The following ADAMTS20 variants were observed in gnomAD, a reference collection of about 807,000 sequenced individuals.
The protein encoded by ADAMTS20 is A disintegrin and metalloproteinase with thrombospondin motifs 20.
In ADAMTS20, 225 loss-of-function variants were observed where a neutral mutation model predicts 260.1. That is an observed-to-expected ratio of 0.87 (90% CI 0.78 to 0.97). The LOEUF is 0.97. Ranked by LOEUF, ADAMTS20 falls within the 50% of genes least tolerant of loss-of-function variation. ADAMTS20 has a pLI of 0.00. For missense variants in ADAMTS20, 2,400 were observed against 2,337.7 expected (o/e 1.03, Z -0.55); for synonymous variants, 802 against 769.5 (o/e 1.04, Z -0.70).
At chr12:43,354,972 C>T (rs766965651) in intron 38 of ADAMTS20, among the ~76,000 whole-genome samples, 4 of 152,154 alleles carry the variant, frequency 2.6e-5, no homozygotes, top group South Asian at 4.1e-4. Context: ...ACGTGATAGA[C>T]GCCTCACGTC....
chr12:43,425,901 A>C (rs1941324427), intron 27 of ADAMTS20, among the ~76,000 whole-genome samples: 1 of 152,150 alleles, frequency 6.6e-6, no homozygotes, highest in African/African-American at 2.4e-5. Flanking sequence ...AAAAAAATAA[A>C]TCAAAGTTTC....
Position 43,356,508 on chromosome 12 carries a change from G to GGT in ADAMTS20, c.5617_5618dup (p.Ser1874ProfsTer29). ...CCTCTGATCTTCGTATGCTGACAGA[G>GGT]GTATAACTCCCCTGAGTGAGCCACT... On this transcript the variant is annotated frameshift_variant, in exon 38 of 39. Transcript: ENST00000389420. LOFTEE classifies it high-confidence loss of function. 6.2e-7 allele frequency: 1 copy of GGT among 1,609,130 alleles called. No individual in the cohort carries two copies. Among genetic ancestry groups the GGT allele is most frequent in the Non-Finnish European group, 8.5e-7 (1 of 1,177,540 alleles).
chr12:43,503,280 T>C (rs1336953329), intron 3 of ADAMTS20, among the ~76,000 whole-genome samples: 1 of 152,052 alleles, frequency 6.6e-6, no homozygotes, highest in African/African-American at 2.4e-5. Context: ...GTATTTTCAA[T>C]AGAAAAGCGG....
intron 14 of ADAMTS20, 72 bp downstream of exon 14, chr12:43,452,202 G>C (rs1333079860): frequency 7.0e-7 from 1 of 1,435,220 alleles, no homozygotes; most frequent in Non-Finnish European, 9.4e-7. Context: ...GTAATATTTG[G>C]TTATATAAAT....
At chr12:43,386,241 C>T (rs1342741269) in intron 29 of ADAMTS20, among the ~76,000 whole-genome samples, 8 of 151,880 alleles carry the variant, frequency 5.3e-5, no homozygotes, top group South Asian at 2.1e-4. Flanking sequence ...CCTTTGCTTA[C>T]GAAGCTTAGT....
At position 43,521,460 on chromosome 12, in the gene ADAMTS20, T is replaced by C. The variant is rs186149194; in HGVS notation, c.613+10576A>G. Among the ~76,000 whole-genome samples, 142 of 152,258 alleles carry C rather than the reference T, an allele frequency of 9.3e-4. 1 individual carries two copies. In the East Asian group the frequency reaches 0.018, roughly 19 times the overall value. ...AACGTCTCTTCAAAGTTGAGAAAAA[T>C]GTTTTCAGGAAATTCTCTTCAATTT... On this transcript the variant is annotated intron_variant, in intron 3 of 38. Transcript: ENST00000389420.
At chr12:43,523,834 C>T (rs1313838776) in intron 3 of ADAMTS20, among the ~76,000 whole-genome samples, 1 of 150,762 alleles carries the variant, frequency 6.6e-6, no homozygotes, top group Admixed American at 6.6e-5. Context: ...CTGACCCAGC[C>T]CCCAGCTGGC....
intron 31 of ADAMTS20, among the ~76,000 whole-genome samples, chr12:43,381,700 G>A (rs1212699321): frequency 7.1e-6 from 1 of 140,210 alleles, no homozygotes; most frequent in Non-Finnish European, 1.5e-5. Flanking sequence ...AGGATTGCTT[G>A]AGCCTAGGAG....
chr12:43,442,972 A>G (rs960056522), intron 16 of ADAMTS20, among the ~76,000 whole-genome samples: 6 of 152,226 alleles, frequency 3.9e-5, no homozygotes, highest in Non-Finnish European at 5.9e-5. Flanking sequence ...ATTTGGCTTT[A>G]TAGTTCCAAA....
intron 3 of ADAMTS20, among the ~76,000 whole-genome samples, chr12:43,523,162 A>G (rs1943094908): frequency 6.6e-6 from 1 of 152,200 alleles, no homozygotes; most frequent in Non-Finnish European, 1.5e-5. Context: ...TCCAGGAAAT[A>G]CACCCCCACC....
intron 7 of ADAMTS20, among the ~76,000 whole-genome samples, chr12:43,471,736 C>T (rs1176637871): frequency 6.9e-6 from 1 of 144,128 alleles, no homozygotes; most frequent in African/African-American, 2.6e-5. Context: ...ACTGACACCT[C>T]ACATGGCAGG....
chr12:43,541,869 T>C (rs1943380866), intron 2 of ADAMTS20, among the ~76,000 whole-genome samples: 1 of 152,120 alleles, frequency 6.6e-6, no homozygotes, highest in Non-Finnish European at 1.5e-5. Context: ...AGTATAAAAA[T>C]GAAACAATAA....
At chr12:43,385,571 T>C (rs1037688416) in intron 29 of ADAMTS20, among the ~76,000 whole-genome samples, 4 of 152,234 alleles carry the variant, frequency 2.6e-5, no homozygotes, top group Non-Finnish European at 4.4e-5. Context: ...TTAGAGATGT[T>C]ATGGTTTTAG....
At chr12:43,524,777 C>A (rs925219465) in intron 3 of ADAMTS20, among the ~76,000 whole-genome samples, 1 of 152,102 alleles carries the variant, frequency 6.6e-6, no homozygotes, top group Non-Finnish European at 1.5e-5. Flanking sequence ...AGCTCAGAGA[C>A]AAGGCTTTCA....
chr12:43,375,467 T>G lies in ADAMTS20; in HGVS notation c.5358A>C (p.Glu1786Asp). The G allele has an allele frequency of 6.2e-7, 1 of 1,613,294 alleles. No individual in the cohort carries two copies. Among genetic ancestry groups the G allele is most frequent in the South Asian group, 1.1e-5 (1 of 91,060 alleles). ...YQCPFNGSRR[E>D]DCECDNGHLA... ...AGTGTCCATTGTCACATTCACAGTC[T>G]TCCCTTCTACTCCCATTAAAAGGAC... The change falls in exon 36 of 39, where the codon GAA becomes GAC. Residue 1786 changes from glutamate to aspartate, a missense_variant. Coordinates refer to ENST00000389420, the MANE Select transcript of ADAMTS20 (RefSeq NM_025003.5).
At position 43,434,083 on chromosome 12, in the gene ADAMTS20, T is replaced by C. The variant is rs186104204; in HGVS notation, c.2720+162A>G. On this transcript the variant is annotated intron_variant, in intron 19 of 38. Coordinates refer to ENST00000389420, the MANE Select transcript of ADAMTS20 (RefSeq NM_025003.5). ...TATGAATGAAAATTCAAATCAATTA[T>C]GTACTGAGTTTTACCATAAAATAGT... Among the ~76,000 whole-genome samples, 123 of 152,346 alleles carry C rather than the reference T, an allele frequency of 8.1e-4. 1 individual carries two copies. Among genetic ancestry groups the C allele is most frequent in the African/African-American group, 2.9e-3 (119 of 41,590 alleles).
intron 11 of ADAMTS20, among the ~76,000 whole-genome samples, chr12:43,460,996 T>A (rs886744934): frequency 0.05 from 3,300 of 65,480 alleles, 70 homozygotes; most frequent in Non-Finnish European, 0.063. Context: ...ATATTTTTTT[T>A]TTTTTTTTTT....
intron 29 of ADAMTS20, among the ~76,000 whole-genome samples, chr12:43,391,497 T>A (rs540530657): frequency 6.6e-6 from 1 of 152,206 alleles, no homozygotes; most frequent in Non-Finnish European, 1.5e-5. Flanking sequence ...TAAAGCCATA[T>A]AATAACAGAG....
In ADAMTS20 at chr12:43,425,500, G is replaced by A; in HGVS notation, c.4284+14C>T. The A allele has an allele frequency of 6.9e-7, 1 of 1,456,874 alleles. No homozygotes were observed. 90.2% of individuals were successfully genotyped at this position (1,456,874 alleles called of 1,614,324 possible). A position where few individuals can be genotyped will look rare whatever the true frequency, so the allele number is the denominator to read the frequency against. Reference sequence around the variant, plus strand: ...TAAAGTATGACATGTTAACAGACAAGAGTGCTATCATACCGATGTCCATGG... The same window carrying A: ...TAAAGTATGACATGTTAACAGACAAAAGTGCTATCATACCGATGTCCATGG... On this transcript the variant is annotated intron_variant, in intron 28 of 38. Transcript: ENST00000389420.
Sources: gnomAD v4.1 joint callset for allele counts (sites outside exome capture counted in the v4.1 genomes callset) on GRCh38, gnomAD v4.1.1 for gene constraint, MANE v1.5 for transcripts, NCBI Gene and HGNC (gene_info 2026-07-23, HGNC 2026-07-21) for gene names.